NPAS3: variants seen among roughly 807,000 people sequenced by gnomAD.
NPAS3 encodes the protein neuronal PAS domain-containing protein 3.
In NPAS3, 14 loss-of-function variants were observed where a neutral mutation model predicts 73.1. The observed-to-expected ratio is 0.19, with a 90% CI of 0.13 to 0.30. The LOEUF (loss-of-function observed/expected upper bound fraction) is 0.30. Ranked by LOEUF, NPAS3 falls within the 10% of genes least tolerant of loss-of-function variation. NPAS3 has a pLI of 1.00. For missense variants in NPAS3, 1,096 were observed against 1,250.0 expected (o/e 0.88, Z 1.86); for synonymous variants, 620 against 541.5 (o/e 1.14, Z -2.01).
chr14:32,982,686 T>A (rs966660504), intron 1 of NPAS3, among the ~76,000 whole-genome samples: 3 of 152,226 alleles, frequency 2.0e-5, no homozygotes, highest in Admixed American at 6.5e-5. Flanking sequence ...TTCAATACAC[T>A]TATCTTCAGC....
intron 7 of NPAS3, among the ~76,000 whole-genome samples, chr14:33,741,370 A>G (rs2061651688): frequency 6.6e-6 from 1 of 152,196 alleles, no homozygotes; most frequent in Non-Finnish European, 1.5e-5. Context: ...CTATGCATTT[A>G]TTGCCTTTCA....
chr14:33,743,887 T>C (rs1215669967), intron 7 of NPAS3, among the ~76,000 whole-genome samples: 1 of 152,242 alleles, frequency 6.6e-6, no homozygotes, highest in Non-Finnish European at 1.5e-5. Context: ...CTCTGCTAGC[T>C]TCCACTGTTT....
At chr14:33,522,489 A>G (rs908399343) in intron 4 of NPAS3, among the ~76,000 whole-genome samples, 27 of 151,276 alleles carry the variant, frequency 1.8e-4, no homozygotes, top group African/African-American at 6.5e-4. Flanking sequence ...CCTTCTCTAT[A>G]TTATAGCAAG....
At chr14:33,147,781 A>C (rs1241242349) in intron 2 of NPAS3, among the ~76,000 whole-genome samples, 11 of 139,496 alleles carry the variant, frequency 7.9e-5, no homozygotes, top group Non-Finnish European at 1.4e-4. Context: ...GGATTAAAAA[A>C]AGTATGCACA....
chr14:32,981,746 G>A (rs543672404), intron 1 of NPAS3, among the ~76,000 whole-genome samples: 6 of 152,248 alleles, frequency 3.9e-5, no homozygotes, highest in Admixed American at 3.9e-4. Flanking sequence ...TCTTGGGGTG[G>A]TGTGGAGCGG....
intron 2 of NPAS3, among the ~76,000 whole-genome samples, chr14:33,089,270 C>G (rs1595420922): frequency 1.3e-5 from 2 of 152,134 alleles, no homozygotes; most frequent in Non-Finnish European, 2.9e-5. Flanking sequence ...AGATGAATGG[C>G]TAACTAGTAT....
At chr14:33,630,167 A>T (rs17101639) in intron 5 of NPAS3, among the ~76,000 whole-genome samples, 1 of 152,050 alleles carries the variant, frequency 6.6e-6, no homozygotes, top group East Asian at 1.9e-4. Context: ...GACCATTACC[A>T]AGTCAATTTT....
chr14:33,733,313 GAAAA>G (rs58483708), intron 6 of NPAS3, among the ~76,000 whole-genome samples: 1 of 139,982 alleles, frequency 7.1e-6, no homozygotes. Flanking sequence ...TCCTTGGGAG[GAAAA>G]AAAAAAAAAG....
chr14:33,175,003 A>G (rs1159583468), intron 2 of NPAS3, among the ~76,000 whole-genome samples: 1 of 152,216 alleles, frequency 6.6e-6, no homozygotes, highest in African/African-American at 2.4e-5. Context: ...GGAAACAAAC[A>G]TTGAGGAAAA....
chr14:33,697,710 T>C (rs1392660317), intron 6 of NPAS3, among the ~76,000 whole-genome samples: 1 of 152,210 alleles, frequency 6.6e-6, no homozygotes, highest in East Asian at 1.9e-4. Context: ...GTCTAAAGCT[T>C]CCTAAAGAAT....
rs115133737 is a variant in NPAS3, at chr14:33,408,639, T to G, written c.468+41371T>G. ...CCTTTGATTATAAATGTAACTCGTGTTCTTATTACTGTTAATAGCAGCACA... is the reference window on the plus strand; with the variant it reads ...CCTTTGATTATAAATGTAACTCGTGGTCTTATTACTGTTAATAGCAGCACA... On this transcript the variant is annotated intron_variant, in intron 4 of 11. Transcript: ENST00000356141. Among the ~76,000 whole-genome samples the G allele has an allele frequency of 7.4e-4, 113 of 152,254 alleles. 1 individual carries two copies. Among genetic ancestry groups the G allele is most frequent in the African/African-American group, 2.4e-3 (101 of 41,548 alleles).
At chr14:32,996,241 G>C (rs540624224) in intron 1 of NPAS3, among the ~76,000 whole-genome samples, 26 of 152,276 alleles carry the variant, frequency 1.7e-4, no homozygotes, top group African/African-American at 6.3e-4. Flanking sequence ...GCATTCAATA[G>C]GTGACTTGGG....
In NPAS3 at chr14:33,729,740, A is replaced by G. The variant is rs555976334; in HGVS notation, c.734-5474A>G. Among the ~76,000 whole-genome samples, 17 of 152,260 alleles carry G rather than the reference A, an allele frequency of 1.1e-4. No individual in the cohort carries two copies. In the South Asian group the frequency reaches 3.3e-3, roughly 30 times the overall value. ...AGGAGGGAGCTGCTGTGCTAATCAC[A>G]CACCATCGATTCCACCATATGCTCA... On this transcript the variant is annotated intron_variant, in intron 6 of 11. Coordinates refer to ENST00000356141, the Ensembl canonical transcript of NPAS3.
chr14:32,974,220 G>A (rs1320531230), intron 1 of NPAS3, among the ~76,000 whole-genome samples: 1 of 152,136 alleles, frequency 6.6e-6, no homozygotes, highest in Non-Finnish European at 1.5e-5. Context: ...TAAATATTTA[G>A]TTGAACACTT....
At chr14:33,275,624 G>C (rs2041294872) in intron 3 of NPAS3, among the ~76,000 whole-genome samples, 1 of 152,160 alleles carries the variant, frequency 6.6e-6, no homozygotes, top group South Asian at 2.1e-4. Flanking sequence ...ATCCATAATA[G>C]ATTCATCCAG....
chr14:33,278,505 A>T (rs1004913590), intron 3 of NPAS3, among the ~76,000 whole-genome samples: 3 of 47,694 alleles, frequency 6.3e-5, no homozygotes, highest in Non-Finnish European at 1.2e-4. Context: ...GAAGCCAAGT[A>T]AAAAAAAAAA....
intron 5 of NPAS3, among the ~76,000 whole-genome samples, chr14:33,658,094 C>G (rs1384149276): frequency 6.6e-6 from 1 of 152,220 alleles, no homozygotes; most frequent in Non-Finnish European, 1.5e-5. Context: ...GGCTGCCACT[C>G]TTATAATAAG....
chr14:33,271,916 G>GA (rs997311352), intron 3 of NPAS3, among the ~76,000 whole-genome samples: 16 of 150,506 alleles, frequency 1.1e-4, no homozygotes, highest in East Asian at 5.8e-4. Flanking sequence ...AGAGAAAGTA[G>GA]AAAAAAAAAG....
At chr14:33,254,084 T>C (rs993839452) in intron 3 of NPAS3, among the ~76,000 whole-genome samples, 1 of 152,106 alleles carries the variant, frequency 6.6e-6, no homozygotes, top group African/African-American at 2.4e-5. Context: ...CTTAAACCTA[T>C]CATTATTTTC....
Sources: allele counts gnomAD v4.1 joint callset (sites outside exome capture counted in the v4.1 genomes callset), GRCh38; gene constraint gnomAD v4.1.1; transcripts MANE v1.5; gene names NCBI Gene and HGNC (gene_info 2026-07-23, HGNC 2026-07-21).